TBC1D15: variants seen among roughly 807,000 people sequenced by gnomAD.
The protein encoded by TBC1D15 is TBC1 domain family member 15, also known as GAP for RAB7.
In TBC1D15, 39 loss-of-function variants were observed where a neutral mutation model predicts 95.4. The observed-to-expected ratio is 0.41, with a 90% CI of 0.32 to 0.53. The LOEUF is 0.53. Ranked by LOEUF, TBC1D15 falls within the 20% of genes least tolerant of loss-of-function variation. TBC1D15 has a pLI of 0.29. For synonymous variants in TBC1D15, 258 were observed against 261.3 expected, an observed-to-expected ratio of 0.99 and a Z score of 0.12; for missense variants, 733 against 794.3, an observed-to-expected ratio of 0.92 and a Z score of 0.93.
intron 11 of TBC1D15, among the ~76,000 whole-genome samples, chr12:71,910,284 A>G (rs370505656): frequency 2.0e-5 from 3 of 151,118 alleles, no homozygotes; most frequent in Admixed American, 1.3e-4. Context: ...ATAGTTTGAA[A>G]TCAGGTAGTG....
chr12:71,903,256 A>T (rs894353105), intron 10 of TBC1D15, among the ~76,000 whole-genome samples: 1 of 152,120 alleles, frequency 6.6e-6, no homozygotes, highest in Admixed American at 6.5e-5. Flanking sequence ...GCCAACCAAC[A>T]TATGAAAAAG....
intron 12 of TBC1D15, among the ~76,000 whole-genome samples, chr12:71,914,824 G>A (rs1188537180): frequency 6.6e-6 from 1 of 151,944 alleles, no homozygotes; most frequent in African/African-American, 2.4e-5. Flanking sequence ...ATTTGGAAGT[G>A]GTACCCTTCT....
intron 1 of TBC1D15, among the ~76,000 whole-genome samples, chr12:71,853,838 T>A (rs1888405922): frequency 6.6e-6 from 1 of 152,200 alleles, no homozygotes; most frequent in African/African-American, 2.4e-5. Flanking sequence ...GAGTGCTTTG[T>A]GAATTATGAG....
chr12:71,849,341 A>G (rs954051066), intron 1 of TBC1D15: 46 of 1,316,296 alleles, frequency 3.5e-5, no homozygotes, highest in Non-Finnish European at 4.0e-5. Flanking sequence ...ATAGGAGGCA[A>G]TGGAGCTTCT....
At chr12:71,847,393 T>A (rs1168601760) in intron 1 of TBC1D15, among the ~76,000 whole-genome samples, 4 of 152,172 alleles carry the variant, frequency 2.6e-5, no homozygotes, top group South Asian at 4.1e-4. Flanking sequence ...GTTTTTTTTT[T>A]ATTTCCAAAT....
chr12:71,861,405 G>T, intron 1 of TBC1D15: 1 of 1,465,064 alleles, frequency 6.8e-7, no homozygotes, highest in Non-Finnish European at 9.0e-7. Flanking sequence ...TTTTTTTCAG[G>T]TTTTTGGTTT....
intron 5 of TBC1D15, among the ~76,000 whole-genome samples, chr12:71,890,478 C>T (rs1897018646): frequency 6.6e-6 from 1 of 152,022 alleles, no homozygotes; most frequent in Non-Finnish European, 1.5e-5. Flanking sequence ...AGGAATGTGG[C>T]TTGCATTTGT....
chr12:71,843,198 T>C (rs996283797), intron 1 of TBC1D15, among the ~76,000 whole-genome samples: 8 of 152,226 alleles, frequency 5.3e-5, no homozygotes, highest in African/African-American at 1.9e-4. Flanking sequence ...GGAGAATCGC[T>C]TGAAACCAGT....
chr12:71,861,492 G>A lies in TBC1D15; in HGVS notation c.31-10578G>A. The A allele has an allele frequency of 2.6e-6, 4 of 1,534,662 alleles. No individual in the cohort carries two copies. The South Asian group carries it at 3.7e-5, about 14-fold the overall frequency. On this transcript the variant is annotated intron_variant, in intron 1 of 16. Coordinates refer to ENST00000485960, the MANE Select transcript of TBC1D15 (RefSeq NM_001146213.3). ...TCCAGTTTGTTGGAGTATGGTAGGA[G>A]TATGGTAGGTAGTCTCTCTAATGAT...
rs190286145 is a variant in TBC1D15, at chr12:71,884,950, T to G, written c.483T>G (p.Pro161=). The G allele has an allele frequency of 9.3e-5, 150 of 1,613,458 alleles. No individual in the cohort carries two copies. In the East Asian group the frequency reaches 3.2e-3, roughly 35 times the overall value. ...GTCTAAAGGATGACGTCGTTCTCCC[T>G]GCTCTACACTTTCATCAAGGAGATA... is the stretch of plus-strand genomic sequence containing the variant. The part of the protein sequence containing the change: ...VFCLKDDVVL[P]ALHFHQGDSK... Residue 161 remains proline, a synonymous_variant, in exon 5 of 17, where the codon CCT becomes CCG. Transcript: ENST00000485960.
At chr12:71,874,621 A>AT (rs57095362) in intron 3 of TBC1D15, among the ~76,000 whole-genome samples, 21,993 of 122,258 alleles carry the variant, frequency 0.18, 2,449 homozygotes, top group South Asian at 0.26. Context: ...TATATTTACT[A>AT]TTTTTTTTTT....
At chr12:71,849,512 G>C (rs906953377) in intron 1 of TBC1D15, 3 of 754,560 alleles carry the variant, frequency 4.0e-6, no homozygotes, top group East Asian at 2.6e-5. Flanking sequence ...AAAGAGAGAA[G>C]GTTCTTATGG....
intron 6 of TBC1D15, 131 bp from the exon 7 acceptor site, chr12:71,894,555 T>A (rs1566028374): frequency 9.1e-7 from 1 of 1,093,076 alleles, no homozygotes; most frequent in African/African-American, 1.6e-5. Flanking sequence ...AAATTTAAGA[T>A]AATCTTAGAA....
chr12:71,906,970 C>A, intron 10 of TBC1D15, 52 bp from the exon 11 acceptor site: 2 of 1,187,386 alleles, frequency 1.7e-6, no homozygotes, highest in South Asian at 1.5e-5. Context: ...TGAGCTTTAT[C>A]ACAATCTGTT....
intron 1 of TBC1D15, among the ~76,000 whole-genome samples, chr12:71,867,068 G>A (rs1320830124): frequency 6.6e-6 from 1 of 152,204 alleles, no homozygotes; most frequent in African/African-American, 2.4e-5. Flanking sequence ...AAACCAAGAT[G>A]ATATGAAAAG....
chr12:71,851,346 C>A (rs1188352430), intron 1 of TBC1D15, among the ~76,000 whole-genome samples: 1 of 152,046 alleles, frequency 6.6e-6, no homozygotes, highest in Non-Finnish European at 1.5e-5. Context: ...TATTGTAATT[C>A]AACATGAGAT....
At chr12:71,861,270 G>C in intron 1 of TBC1D15, 3 of 431,550 alleles carry the variant, frequency 7.0e-6, no homozygotes, top group Non-Finnish European at 1.2e-5. Flanking sequence ...GAAGAGTTTG[G>C]GAAGAATTGA....
At chr12:71,911,802 A>G (rs1472609822) in intron 11 of TBC1D15, among the ~76,000 whole-genome samples, 1 of 151,268 alleles carries the variant, frequency 6.6e-6, no homozygotes, top group Non-Finnish European at 1.5e-5. Flanking sequence ...TAAAAAAAAT[A>G]AAATAGATTA....
At chr12:71,857,130 G>T (rs1302097017) in intron 1 of TBC1D15, among the ~76,000 whole-genome samples, 2 of 151,514 alleles carry the variant, frequency 1.3e-5, no homozygotes, top group East Asian at 1.9e-4. Context: ...TAAGAGATGG[G>T]GGTGGGGGGG....
Sources: allele counts gnomAD v4.1 joint callset (sites outside exome capture counted in the v4.1 genomes callset), GRCh38; gene constraint gnomAD v4.1.1; transcripts MANE v1.5; gene names NCBI Gene and HGNC (gene_info 2026-07-23, HGNC 2026-07-21).